Variants in RFX7 observed in about 807,000 individuals in gnomAD.
RFX7 encodes DNA-binding protein RFX7.
A neutral mutation model predicts 111.8 loss-of-function variants in RFX7; 26 were observed. That is an observed-to-expected ratio of 0.23 (90% CI 0.17 to 0.32). RFX7 has a LOEUF of 0.32. Among genes scored for constraint, RFX7 ranks in the 10% least tolerant of loss-of-function variants. The pLI is 1.00. For missense variants in RFX7, 1,573 were observed against 1,772.9 expected, an observed-to-expected ratio of 0.89 and a Z score of 2.02; for synonymous variants, 624 against 624.4, an observed-to-expected ratio of 1.00 and a Z score of 0.01.
At chr15:56,186,152 C>G (rs887267114) in intron 2 of RFX7, among the ~76,000 whole-genome samples, 15 of 152,180 alleles carry the variant, frequency 9.9e-5, no homozygotes, top group African/African-American at 3.6e-4. Flanking sequence ...CCTGAGCAAA[C>G]AGCAAGCTTA....
intron 3 of RFX7, among the ~76,000 whole-genome samples, chr15:56,153,102 C>T (rs34044869): frequency 0.31 from 46,828 of 151,918 alleles, 8,155 homozygotes; most frequent in East Asian, 0.41. Context: ...CATGACCAGA[C>T]GGATTCACAG....
intron 5 of RFX7, among the ~76,000 whole-genome samples, chr15:56,121,493 C>T (rs1374881504): frequency 6.6e-6 from 1 of 152,094 alleles, no homozygotes; most frequent in African/African-American, 2.4e-5. Context: ...TTATAAATGC[C>T]TTGAGGTAGT....
intron 2 of RFX7, among the ~76,000 whole-genome samples, chr15:56,211,980 C>T (rs941740405): frequency 2.0e-5 from 3 of 152,174 alleles, no homozygotes. Context: ...AAATAGATTC[C>T]TACCCTATGA....
intron 5 of RFX7, among the ~76,000 whole-genome samples, chr15:56,125,156 T>C (rs1225371975): frequency 1.3e-5 from 2 of 152,232 alleles, no homozygotes; most frequent in Non-Finnish European, 2.9e-5. Flanking sequence ...CAAAAATCAG[T>C]TGGCTGTAGA....
intron 3 of RFX7, among the ~76,000 whole-genome samples, chr15:56,177,786 T>TATGATA (rs2042918251): frequency 6.6e-6 from 1 of 152,116 alleles, no homozygotes; most frequent in Non-Finnish European, 1.5e-5. Flanking sequence ...GGGTCTAGTA[T>TATGATA]ATGATAAACA....
intron 5 of RFX7, among the ~76,000 whole-genome samples, chr15:56,127,106 T>C (rs991884387): frequency 6.6e-6 from 1 of 152,038 alleles, no homozygotes; most frequent in Non-Finnish European, 1.5e-5. Flanking sequence ...TCATACTTAA[T>C]ACATTTTAAA....
intron 2 of RFX7, among the ~76,000 whole-genome samples, chr15:56,239,699 T>A (rs1345706528): frequency 6.6e-6 from 1 of 152,150 alleles, no homozygotes; most frequent in African/African-American, 2.4e-5. Flanking sequence ...TGGGGGATTT[T>A]GGATTAGGGA....
At chr15:56,116,781 A>G (rs117660220) in intron 5 of RFX7, among the ~76,000 whole-genome samples, 1 of 151,796 alleles carries the variant, frequency 6.6e-6, no homozygotes, top group East Asian at 2.0e-4. Context: ...CACAAGTGGG[A>G]TACTACATAG....
Position 56,192,201 on chromosome 15 carries a change from CTT to C in RFX7, c.162-12900_162-12899del, listed in dbSNP as rs775910639. On this transcript the variant is annotated intron_variant, in intron 2 of 9. Transcript: ENST00000559447. ...ACTACTGTATCTAGCGTAATAATAA[CTT>C]CGGATAGATTACAATCAAAATGCTT... Among the ~76,000 whole-genome samples, 12 of 152,108 alleles carry C rather than the reference CTT, an allele frequency of 7.9e-5. 1 individual carries two copies. In the South Asian group the frequency reaches 2.1e-3, roughly 26 times the overall value.
chr15:56,244,075 T>A (rs2141259611), upstream of RFX7: 1 of 149,516 alleles, frequency 6.7e-6, no homozygotes, highest in Non-Finnish European at 1.5e-5. Flanking sequence ...CAGGAAAACG[T>A]GGGGGAGGTG....
intron 2 of RFX7, among the ~76,000 whole-genome samples, chr15:56,194,246 A>G (rs1254394857): frequency 2.0e-5 from 3 of 152,168 alleles, no homozygotes; most frequent in Non-Finnish European, 4.4e-5. Flanking sequence ...GGAGTCCTCA[A>G]GTCTGAAGTC....
intron 2 of RFX7, among the ~76,000 whole-genome samples, chr15:56,205,204 C>CT (rs1479166341): frequency 6.6e-6 from 1 of 152,174 alleles, no homozygotes; most frequent in African/African-American, 2.4e-5. Context: ...GTGAGTAACA[C>CT]TTTAGTTTTC....
intron 2 of RFX7, among the ~76,000 whole-genome samples, chr15:56,210,230 T>C (rs902010234): frequency 8.5e-5 from 13 of 152,086 alleles, no homozygotes; most frequent in African/African-American, 2.7e-4. Flanking sequence ...GAGCATTACA[T>C]AGTGATAAAT....
rs1442613108 is a variant in RFX7, at chr15:56,212,344, G to C, written c.161+30781C>G. Among the ~76,000 whole-genome samples the C allele has an allele frequency of 2.6e-5, 4 of 152,136 alleles. No homozygotes were observed. The East Asian group carries it at 7.7e-4, about 29-fold the overall frequency. ...GTACAAAGATCAGTGGTTGCCAAGG[G>C]TTAGAGGGGAGGGAAGAATGTATAG... On this transcript the variant is annotated intron_variant, in intron 2 of 9. Transcript: ENST00000559447.
chr15:56,099,956 T>C (rs1012252391), intron 8 of RFX7, among the ~76,000 whole-genome samples: 8 of 152,228 alleles, frequency 5.3e-5, no homozygotes, highest in Non-Finnish European at 8.8e-5. Flanking sequence ...AGATGTTTCT[T>C]TTCCCCATGA....
At chr15:56,172,608 C>G (rs1343186630) in intron 3 of RFX7, among the ~76,000 whole-genome samples, 1 of 152,000 alleles carries the variant, frequency 6.6e-6, no homozygotes, top group African/African-American at 2.4e-5. Context: ...TAGAATTGAG[C>G]AAGTATTAAG....
At chr15:56,196,432 G>A (rs1405723512) in intron 2 of RFX7, among the ~76,000 whole-genome samples, 1 of 151,896 alleles carries the variant, frequency 6.6e-6, no homozygotes, top group Non-Finnish European at 1.5e-5. Flanking sequence ...AAGTTCTGCG[G>A]CATGTATCAC....
intron 5 of RFX7, among the ~76,000 whole-genome samples, chr15:56,107,056 G>T (rs2140537937): frequency 6.6e-6 from 1 of 152,138 alleles, no homozygotes; most frequent in East Asian, 1.9e-4. Context: ...CCATCACTTT[G>T]GGAGGCCGAG....
intron 2 of RFX7, among the ~76,000 whole-genome samples, chr15:56,241,569 G>A (rs530487772): frequency 1.3e-5 from 2 of 152,174 alleles, no homozygotes; most frequent in East Asian, 1.9e-4. Context: ...ACAAAGTTAC[G>A]TCACGTTACT....
Sources: allele counts gnomAD v4.1 joint callset (sites outside exome capture counted in the v4.1 genomes callset), GRCh38; gene constraint gnomAD v4.1.1; transcripts MANE v1.5; gene names NCBI Gene and HGNC (gene_info 2026-07-23, HGNC 2026-07-21).